CACNG2: variants seen among roughly 807,000 people sequenced by gnomAD.
CACNG2 encodes the protein calcium voltage-gated channel auxiliary subunit gamma 2.
CACNG2 carries 3 observed loss-of-function variants against 25.9 expected under a neutral mutation model. That is an observed-to-expected ratio of 0.12 (90% CI 0.05 to 0.30). The LOEUF (loss-of-function observed/expected upper bound fraction) is 0.30, where lower values mean the gene tolerates loss of function less well. Among genes scored for constraint, CACNG2 ranks in the 10% least tolerant of loss-of-function variants. CACNG2 has a pLI of 1.00. For missense variants in CACNG2, 341 were observed against 432.5 expected (o/e 0.79, Z 1.88); for synonymous variants, 167 against 173.3 (o/e 0.96, Z 0.29).
intron 1 of CACNG2, among the ~76,000 whole-genome samples, chr22:36,682,859 G>A (rs951797165): frequency 3.3e-5 from 5 of 152,086 alleles, no homozygotes; most frequent in East Asian, 1.9e-4. Context: ...CGGCATGGAC[G>A]GCTCTCACTT....
intron 1 of CACNG2, among the ~76,000 whole-genome samples, chr22:36,654,036 G>T (rs920633373): frequency 4.7e-5 from 7 of 149,478 alleles, no homozygotes. Context: ...GCATTTGGGG[G>T]GTACTTTCAG....
chr22:36,582,234 C>A (rs115025975), intron 2 of CACNG2, among the ~76,000 whole-genome samples: 4 of 152,056 alleles, frequency 2.6e-5, no homozygotes, highest in African/African-American at 9.7e-5. Flanking sequence ...TCAGAGCAAA[C>A]CCCCAAATTC....
At chr22:36,601,776 C>T (rs946940536) in intron 1 of CACNG2, among the ~76,000 whole-genome samples, 1 of 152,174 alleles carries the variant, frequency 6.6e-6, no homozygotes, top group African/African-American at 2.4e-5. Flanking sequence ...AGCCACTGCG[C>T]CTGGGGAGTG....
intron 2 of CACNG2, among the ~76,000 whole-genome samples, chr22:36,570,762 CAAA>C (rs11445356): frequency 3.1e-5 from 2 of 64,144 alleles, no homozygotes; most frequent in African/African-American, 1.0e-4. Context: ...GACTCCATCT[CAAA>C]AAAAAAAAAA....
intron 1 of CACNG2, among the ~76,000 whole-genome samples, chr22:36,701,424 C>A (rs2146023462): frequency 6.6e-6 from 1 of 152,278 alleles, no homozygotes; most frequent in Non-Finnish European, 1.5e-5. Context: ...ATCCCCCAGC[C>A]TTTACACCGT....
At chr22:36,645,534 CTCAAAAAAAAAAAA>C (rs1488450853) in intron 1 of CACNG2, among the ~76,000 whole-genome samples, 1 of 80,832 alleles carries the variant, frequency 1.2e-5, no homozygotes, top group Non-Finnish European at 2.3e-5. Flanking sequence ...AAGACTCTGT[CTCAAAAAAAAAAAA>C]AAAAAAAAAA....
intron 1 of CACNG2, among the ~76,000 whole-genome samples, chr22:36,589,011 A>G (rs1471597726): frequency 1.4e-5 from 2 of 144,576 alleles, no homozygotes; most frequent in Non-Finnish European, 3.0e-5. Flanking sequence ...TTCCCCCTGA[A>G]ATGGAGTCTC....
chr22:36,687,697 G>A (rs888519045), intron 1 of CACNG2, among the ~76,000 whole-genome samples: 1 of 152,228 alleles, frequency 6.6e-6, no homozygotes. Context: ...CGGACTGTAA[G>A]AGAGGGAGAT....
At position 36,564,047 on chromosome 22, in the gene CACNG2, AT is replaced by A. The variant is rs1340265422; in HGVS notation, c.*303del. 4 of 254,106 alleles carry A rather than the reference AT, an allele frequency of 1.6e-5. No homozygotes were observed. The highest frequency in any genetic ancestry group is 2.9e-5 in the Non-Finnish European group (4 of 135,656). The allele number at this position is 254,106 out of a possible 1,614,324, so 15.7% of individuals were successfully genotyped here. On this transcript the variant is annotated 3_prime_UTR_variant, in exon 4 of 4. Coordinates refer to ENST00000300105, the MANE Select transcript of CACNG2 (RefSeq NM_006078.5). The surrounding 1 kb of genome is among the most constrained non-coding windows in gnomAD (Gnocchi z 6.7). ...CTTTTAGATTTATTTTCTATTTTTAATTTTTTATCCCTCTCGCTTTTTTTTA... is the reference window on the plus strand; with the variant it reads ...CTTTTAGATTTATTTTCTATTTTTAATTTTTATCCCTCTCGCTTTTTTTTA...
chr22:36,586,702 C>T (rs1034741409), intron 2 of CACNG2, among the ~76,000 whole-genome samples: 3 of 149,880 alleles, frequency 2.0e-5, no homozygotes, highest in Non-Finnish European at 3.0e-5. Context: ...GGAGAGCAAA[C>T]CTCCTTCCAA....
At chr22:36,684,615 C>CAA (rs10647451) in intron 1 of CACNG2, among the ~76,000 whole-genome samples, 22,288 of 100,986 alleles carry the variant, frequency 0.22, 2,432 homozygotes, top group Admixed American at 0.3. Context: ...GACCTTGTCT[C>CAA]AAAAAAAAAA....
chr22:36,655,991 A>G (rs1008176015), intron 1 of CACNG2, among the ~76,000 whole-genome samples: 2 of 151,892 alleles, frequency 1.3e-5, no homozygotes, highest in African/African-American at 4.8e-5. Flanking sequence ...TATTTTTAGT[A>G]GAGACAGGGT....
Position 36,679,212 on chromosome 22 carries a change from T to TTCTC in CACNG2, c.211+23153_211+23154insGAGA, listed in dbSNP as rs1345613004. 1.4e-5 allele frequency among the ~76,000 whole-genome samples: 2 copies of TTCTC among 144,974 alleles called. 1 individual carries two copies. ...TTCCTTCCTTCCTTTCTTTCTTTCTTTCTTTCTTTCTTTCTTTCCTTCTTT... is the reference window on the plus strand; with the variant it reads ...TTCCTTCCTTCCTTTCTTTCTTTCTTTCTCTCTTTCTTTCTTTCTTTCCTTCTTT... On this transcript the variant is annotated intron_variant, in intron 1 of 3. Transcript: ENST00000300105.
chr22:36,629,350 G>A (rs1936232629), intron 1 of CACNG2, among the ~76,000 whole-genome samples: 3 of 152,162 alleles, frequency 2.0e-5, no homozygotes, highest in South Asian at 4.1e-4. Context: ...TGGTGATGGA[G>A]ATGCAGAGTG....
At position 36,606,755 on chromosome 22, in the gene CACNG2, TGC is replaced by T. The variant is rs932540676; in HGVS notation, c.212-19209_212-19208del. Among the ~76,000 whole-genome samples, 27 of 118,700 alleles carry T rather than the reference TGC, an allele frequency of 2.3e-4. No individual in the cohort carries two copies. Among genetic ancestry groups the T allele is most frequent in the African/African-American group, 6.2e-4 (21 of 33,864 alleles). 77.9% of individuals were successfully genotyped at this position (118,700 alleles called of 152,430 possible). On this transcript the variant is annotated intron_variant, in intron 1 of 3. Coordinates refer to ENST00000300105, the MANE Select transcript of CACNG2 (RefSeq NM_006078.5). This position sits in a 1 kb window ranked among gnomAD's most constrained non-coding sequence, Gnocchi z 5.7. ...GGACGGAAACCAGACGGTTGGGCTGTGCGTGTGTGTGTGTGTGTGTGTGTATG... is the reference window on the plus strand; with the variant it reads ...GGACGGAAACCAGACGGTTGGGCTGTGTGTGTGTGTGTGTGTGTGTGTATG...
intron 1 of CACNG2, among the ~76,000 whole-genome samples, chr22:36,647,548 A>G (rs1448871695): frequency 2.0e-5 from 3 of 152,096 alleles, no homozygotes; most frequent in Non-Finnish European, 4.4e-5. Flanking sequence ...GTGAGCCAAG[A>G]TCATGCCATT....
In CACNG2 at chr22:36,563,373, G is replaced by GGA. The variant is rs1410917961; in HGVS notation, c.*977_*978insTC. 6.6e-6 allele frequency among the ~76,000 whole-genome samples: 1 copy of GGA among 151,922 alleles called. No homozygotes were observed. The highest frequency in any genetic ancestry group is 1.5e-5 in the Non-Finnish European group (1 of 67,924). Reference sequence around the variant, plus strand: ...GAGCTGTTTCATGTCCCCCGGGGGGGGGGGTGGCATCTCCTGACCCCAAGG... The same window carrying GGA: ...GAGCTGTTTCATGTCCCCCGGGGGGGGAGGGGTGGCATCTCCTGACCCCAAGG... On this transcript the variant is annotated 3_prime_UTR_variant, in exon 4 of 4. Transcript: ENST00000300105.
intron 1 of CACNG2, among the ~76,000 whole-genome samples, chr22:36,653,248 C>T (rs886339687): frequency 4.6e-5 from 7 of 152,062 alleles, no homozygotes; most frequent in Non-Finnish European, 8.8e-5. Context: ...CGCTTGAACC[C>T]GGGAGGTGGA....
intron 1 of CACNG2, among the ~76,000 whole-genome samples, chr22:36,688,911 G>A (rs1319035045): frequency 1.3e-5 from 2 of 152,076 alleles, no homozygotes; most frequent in Non-Finnish European, 2.9e-5. Context: ...AAGTTTTGAG[G>A]GTGCTGCTCT....
Sources: gnomAD v4.1 joint callset for allele counts (sites outside exome capture counted in the v4.1 genomes callset) on GRCh38, gnomAD v4.1.1 for gene constraint, Gnocchi (gnomAD v3.1) non-coding constraint, MANE v1.5 for transcripts, NCBI Gene and HGNC (gene_info 2026-07-23, HGNC 2026-07-21) for gene names.